The following MICAL3 variants were observed in gnomAD, a reference collection of about 807,000 sequenced individuals.
MICAL3 encodes [F-actin]-monooxygenase MICAL3.
Under a neutral mutation model 207.4 loss-of-function variants are expected in MICAL3, and 62 were observed. That is an observed-to-expected ratio of 0.30 (90% CI 0.24 to 0.37). MICAL3 has a LOEUF of 0.37. MICAL3 is among the 10% of genes least tolerant of loss of function. The probability of loss-of-function intolerance (pLI) is 1.00; values close to 1 mark genes in which losing one functional copy is unlikely to be tolerated. For missense variants in MICAL3, 2,368 were observed against 2,635.6 expected (o/e 0.90, Z 2.22); for synonymous variants, 1,077 against 1,069.3 (o/e 1.01, Z -0.14).
intron 1 of MICAL3, among the ~76,000 whole-genome samples, chr22:17,927,183 T>G (rs532936797): frequency 6.6e-6 from 1 of 152,346 alleles, no homozygotes; most frequent in East Asian, 1.9e-4. Context: ...AATCATGTAT[T>G]TGTCTCTCTG....
Position 17,875,431 on chromosome 22 carries a change from TC to T in MICAL3, c.2242-3409del, listed in dbSNP as rs1470757184. ...CTGCGGAGGGCAGAGTTTTAGTGAGTCCTAGGCCATGCTACCTGTCGGAGGG... is the reference window on the plus strand; with the variant it reads ...CTGCGGAGGGCAGAGTTTTAGTGAGTCTAGGCCATGCTACCTGTCGGAGGG... On this transcript the variant is annotated intron_variant, in intron 16 of 31. Transcript: ENST00000441493. 2.0e-6 allele frequency: 3 copies of T among 1,519,288 alleles called. No individual in the cohort carries two copies. In the East Asian group the frequency reaches 7.2e-5, roughly 37 times the overall value. The allele number at this position is 1,519,288 out of a possible 1,614,324, so 94.1% of individuals were successfully genotyped here.
chr22:17,849,301 C>T (rs1402130569), intron 19 of MICAL3, among the ~76,000 whole-genome samples: 1 of 152,124 alleles, frequency 6.6e-6, no homozygotes, highest in Non-Finnish European at 1.5e-5. Flanking sequence ...TAAGGATAAC[C>T]CTAGTCTCTA....
intron 19 of MICAL3, 192 bp from the exon 20 acceptor site, chr22:17,842,209 A>G: frequency 1.6e-6 from 1 of 609,608 alleles, no homozygotes; most frequent in Non-Finnish European, 2.9e-6. Flanking sequence ...TGCAGGAGAA[A>G]GGAAGGTGGC....
rs1456618649 is a variant in MICAL3 at position 17,793,770 on chromosome 22, C to T, written c.5651-2469G>A. On this transcript the variant is annotated intron_variant, in intron 29 of 31. Coordinates refer to ENST00000441493, the MANE Select transcript of MICAL3 (RefSeq NM_015241.3). The surrounding 1 kb of genome is among the most constrained non-coding windows in gnomAD (Gnocchi z 4.1). ...AGGGCAGAAGGAGAGAGGTCTACGT[C>T]GTGGAGTCCCGCCACTGGGCTCAAC... is the stretch of plus-strand genomic sequence containing the variant. The T allele has an allele frequency of 2.0e-5, 3 of 152,090 alleles. No homozygotes were observed. The highest frequency in any genetic ancestry group is 2.9e-5 in the Non-Finnish European group (2 of 68,118). 9.4% of individuals were successfully genotyped at this position (152,090 alleles called of 1,614,324 possible).
rs1163671636 is a variant in MICAL3 at position 17,818,379 on chromosome 22, G to A, written c.4282C>T (p.Leu1428=). The A allele has an allele frequency of 6.2e-7, 1 of 1,608,232 alleles. No homozygotes were observed. The highest frequency in any genetic ancestry group is 8.5e-7 in the Non-Finnish European group (1 of 1,178,882). Residue 1428 remains leucine, a synonymous_variant, in exon 26 of 32, where the codon CTG becomes TTG. Coordinates refer to ENST00000441493, the MANE Select transcript of MICAL3 (RefSeq NM_015241.3). ...TTGGAGGAGCTCCCGTGCAGGCCCAGGCCAGAGCTGCTGGACAGCTCCCTG... is the reference window on the plus strand; with the variant it reads ...TTGGAGGAGCTCCCGTGCAGGCCCAAGCCAGAGCTGCTGGACAGCTCCCTG... ...ERRELSSSSG[L]GLHGSSSNMK...
At chr22:17,821,603 G>T (rs1288010636) in intron 24 of MICAL3, 94 bp from the exon 25 acceptor site, 4 of 1,016,072 alleles carry the variant, frequency 3.9e-6, no homozygotes, top group Non-Finnish European at 5.8e-6. Flanking sequence ...TGGAGGGGAG[G>T]GTAGAGGGCG....
intron 1 of MICAL3, among the ~76,000 whole-genome samples, chr22:18,001,670 G>C (rs906795787): frequency 6.6e-6 from 1 of 152,250 alleles, no homozygotes; most frequent in Non-Finnish European, 1.5e-5. Flanking sequence ...AGTCTTGCCA[G>C]AATCTCACGG....
chr22:17,976,582 T>C (rs1486587362), intron 1 of MICAL3, among the ~76,000 whole-genome samples: 2 of 96,870 alleles, frequency 2.1e-5, no homozygotes, highest in South Asian at 6.2e-4. Flanking sequence ...TATATATATA[T>C]ATATATATTT....
intron 1 of MICAL3, among the ~76,000 whole-genome samples, chr22:17,908,295 G>A (rs4819647): frequency 0.63 from 95,679 of 151,888 alleles, 32,567 homozygotes; most frequent in African/African-American, 0.91. Context: ...GTTAGACAGC[G>A]CCCCTAAGAC....
chr22:17,875,540 A>T (rs757012070), intron 16 of MICAL3: 1 of 1,552,018 alleles, frequency 6.4e-7, no homozygotes, highest in Non-Finnish European at 8.7e-7. Flanking sequence ...ATCGACGAGG[A>T]GGTTCAGGCT....
chr22:17,860,251 C>CA (rs1392493066), intron 19 of MICAL3: 1 of 985,026 alleles, frequency 1.0e-6, no homozygotes, highest in African/African-American at 1.7e-5. Context: ...CAGTCAACGG[C>CA]AAAAACAAAG....
chr22:18,022,978 T>C (rs1924581634), intron 1 of MICAL3, among the ~76,000 whole-genome samples: 1 of 152,202 alleles, frequency 6.6e-6, no homozygotes, highest in Admixed American at 6.5e-5. Flanking sequence ...TTTGAGACAC[T>C]GCCTTCATCC....
chr22:17,949,096 G>A (rs1934213563), intron 1 of MICAL3, among the ~76,000 whole-genome samples: 1 of 150,646 alleles, frequency 6.6e-6, no homozygotes, highest in African/African-American at 2.5e-5. Context: ...TGTAGTCTCA[G>A]CTACTCAGGA....
At chr22:17,852,491 G>A (rs558963657) in intron 19 of MICAL3, among the ~76,000 whole-genome samples, 11 of 152,308 alleles carry the variant, frequency 7.2e-5, no homozygotes, top group African/African-American at 2.4e-4. Flanking sequence ...AAGAACAAAG[G>A]CTGATGGTGC....
intron 17 of MICAL3, among the ~76,000 whole-genome samples, chr22:17,869,585 T>C (rs1927508193): frequency 6.6e-6 from 1 of 152,218 alleles, no homozygotes; most frequent in Admixed American, 6.5e-5. Context: ...GCAGACGGCA[T>C]CCTCCAGAAA....
At chr22:17,869,495 G>C (rs917189355) in intron 17 of MICAL3, among the ~76,000 whole-genome samples, 6 of 152,148 alleles carry the variant, frequency 3.9e-5, no homozygotes, top group African/African-American at 1.2e-4. Context: ...CACTAATTTT[G>C]AGTCCTTGTC....
At chr22:17,798,281 C>T (rs1048653616) in intron 29 of MICAL3, among the ~76,000 whole-genome samples, 5 of 152,206 alleles carry the variant, frequency 3.3e-5, no homozygotes, top group Non-Finnish European at 7.3e-5. Flanking sequence ...GGCCCCACAC[C>T]CTCCCTTCTG....
At chr22:17,795,570 AC>A (rs150563477) in intron 29 of MICAL3, among the ~76,000 whole-genome samples, 124 of 152,376 alleles carry the variant, frequency 8.1e-4, no homozygotes, top group African/African-American at 2.9e-3. Context: ...AACACAGAGA[AC>A]AATATAACAG....
At chr22:17,875,638 G>A (rs562544342) in intron 16 of MICAL3, 57 of 564,418 alleles carry the variant, frequency 1.0e-4, no homozygotes, top group Non-Finnish European at 1.4e-4. Context: ...TAAGATGGTT[G>A]TAGAGCCTTT....
Sources: allele counts gnomAD v4.1 joint callset (sites outside exome capture counted in the v4.1 genomes callset), GRCh38; gene constraint gnomAD v4.1.1; non-coding constraint Gnocchi (gnomAD v3.1); transcripts MANE v1.5; gene names NCBI Gene and HGNC (gene_info 2026-07-23, HGNC 2026-07-21).